Variants in SLC8A1 observed in about 807,000 individuals in gnomAD.
SLC8A1 encodes sodium/calcium exchanger 1.
Under a neutral mutation model 68.3 loss-of-function variants are expected in SLC8A1, and 18 were observed. That is an observed-to-expected ratio of 0.26 (90% CI 0.18 to 0.39). SLC8A1 has a LOEUF of 0.39. SLC8A1 is among the 10% of genes least tolerant of loss of function. The pLI is 1.00. For missense variants in SLC8A1, 985 were observed against 1,156.7 expected (o/e 0.85, Z 2.15); for synonymous variants, 475 against 415.5 (o/e 1.14, Z -1.74).
chr2:40,372,248 GAAGAAAA>G (rs981520238), intron 2 of SLC8A1, among the ~76,000 whole-genome samples: 3 of 151,992 alleles, frequency 2.0e-5, no homozygotes, highest in African/African-American at 7.2e-5. Context: ...ATCCTAAGGG[GAAGAAAA>G]AGAAAAGAAG....
At chr2:40,500,004 T>C (rs1047779056) in intron 1 of SLC8A1, among the ~76,000 whole-genome samples, 3 of 152,114 alleles carry the variant, frequency 2.0e-5, no homozygotes, top group Non-Finnish European at 4.4e-5. Flanking sequence ...CAGAACAACC[T>C]TGAGATTTTA....
chr2:40,195,348 T>C (rs371000804), intron 2 of SLC8A1, among the ~76,000 whole-genome samples: 2 of 151,872 alleles, frequency 1.3e-5, no homozygotes, highest in African/African-American at 4.8e-5. Context: ...ACAAGCTTAT[T>C]GGGATGCTGA....
intron 1 of SLC8A1, among the ~76,000 whole-genome samples, chr2:40,437,106 A>T (rs939907554): frequency 7.9e-5 from 12 of 152,206 alleles, no homozygotes; most frequent in African/African-American, 2.9e-4. Context: ...TCATGAAAGT[A>T]AGCTGGCTAG....
intron 2 of SLC8A1, among the ~76,000 whole-genome samples, chr2:40,406,476 T>TG (rs1369865081): frequency 6.6e-6 from 1 of 152,172 alleles, no homozygotes; most frequent in African/African-American, 2.4e-5. Flanking sequence ...AACTTCTAAA[T>TG]GGGTTATTGA....
intron 4 of SLC8A1, among the ~76,000 whole-genome samples, chr2:40,172,320 C>G (rs968467520): frequency 1.3e-5 from 2 of 152,060 alleles, no homozygotes; most frequent in Admixed American, 6.5e-5. Context: ...TGTAGAAATT[C>G]CCAAGTTTTG....
intron 1 of SLC8A1, among the ~76,000 whole-genome samples, chr2:40,466,708 C>T (rs927007956): frequency 2.6e-5 from 4 of 152,114 alleles, no homozygotes; most frequent in African/African-American, 7.2e-5. Flanking sequence ...CCATGCTGTG[C>T]ATATTATAAT....
chr2:40,162,902 T>C (rs756674899), intron 5 of SLC8A1, among the ~76,000 whole-genome samples: 1 of 152,144 alleles, frequency 6.6e-6, no homozygotes, highest in Non-Finnish European at 1.5e-5. Flanking sequence ...CCACCCAGAT[T>C]TGGGTCTCTG....
intron 2 of SLC8A1, among the ~76,000 whole-genome samples, chr2:40,192,528 C>T (rs906277970): frequency 4.7e-4 from 71 of 152,182 alleles, no homozygotes; most frequent in African/African-American, 1.7e-3. Context: ...GTTTAACTTA[C>T]ATAGAATACT....
At chr2:40,437,556 G>A (rs1455460222) in intron 1 of SLC8A1, among the ~76,000 whole-genome samples, 1 of 152,104 alleles carries the variant, frequency 6.6e-6, no homozygotes, top group Non-Finnish European at 1.5e-5. Context: ...CAGTAAGCAA[G>A]CAAAACTAAA....
chr2:40,405,041 C>T (rs1689894971), intron 2 of SLC8A1, among the ~76,000 whole-genome samples: 1 of 152,176 alleles, frequency 6.6e-6, no homozygotes, highest in Admixed American at 6.6e-5. Flanking sequence ...GTCCATGCTA[C>T]TCCCCCTCCC....
chr2:40,454,172 G>C (rs1287171778), upstream of SLC8A1, among the ~76,000 whole-genome samples: 1 of 152,100 alleles, frequency 6.6e-6, no homozygotes, highest in African/African-American at 2.4e-5. Flanking sequence ...CAATGAAAGG[G>C]GCTTGGAGAG....
chr2:40,182,066 T>C (rs778643953), intron 2 of SLC8A1, among the ~76,000 whole-genome samples: 27 of 152,232 alleles, frequency 1.8e-4, no homozygotes, highest in Non-Finnish European at 3.2e-4. Flanking sequence ...ACAGGACTTT[T>C]GCACTGTCAC....
At chr2:40,401,185 C>T (rs1157588760) in intron 2 of SLC8A1, among the ~76,000 whole-genome samples, 1 of 152,212 alleles carries the variant, frequency 6.6e-6, no homozygotes, top group Non-Finnish European at 1.5e-5. Context: ...TAAGACATTT[C>T]TCTGTGGCAT....
At chr2:40,192,512 A>G (rs1361661178) in intron 2 of SLC8A1, among the ~76,000 whole-genome samples, 1 of 152,156 alleles carries the variant, frequency 6.6e-6, no homozygotes, top group Non-Finnish European at 1.5e-5. Flanking sequence ...ATCATGGTAC[A>G]ATTAAGTTTA....
chr2:40,400,391 G>T (rs1461178399), intron 2 of SLC8A1, among the ~76,000 whole-genome samples: 1 of 152,180 alleles, frequency 6.6e-6, no homozygotes, highest in Non-Finnish European at 1.5e-5. Context: ...AAAAAGAAAA[G>T]GAGTCAGACT....
At chr2:40,224,070 G>C (rs2058674271) in intron 2 of SLC8A1, among the ~76,000 whole-genome samples, 1 of 152,102 alleles carries the variant, frequency 6.6e-6, no homozygotes, top group Non-Finnish European at 1.5e-5. Context: ...TGTATTAAAA[G>C]GCCTGGAATG....
At chr2:40,369,409 C>G (rs1173193549) in intron 2 of SLC8A1, among the ~76,000 whole-genome samples, 1 of 152,044 alleles carries the variant, frequency 6.6e-6, no homozygotes, top group Non-Finnish European at 1.5e-5. Context: ...AAGTTGGAAA[C>G]AAGTATCAGC....
At chr2:40,394,561 T>C (rs1319236120) in intron 2 of SLC8A1, among the ~76,000 whole-genome samples, 2 of 152,092 alleles carry the variant, frequency 1.3e-5, no homozygotes, top group African/African-American at 4.8e-5. Context: ...GATAAGATTA[T>C]ACAGAGCATA....
intron 2 of SLC8A1, among the ~76,000 whole-genome samples, chr2:40,411,402 A>T (rs1038696798): frequency 6.6e-6 from 1 of 152,084 alleles, no homozygotes; most frequent in Non-Finnish European, 1.5e-5. Flanking sequence ...ATGTAAATTC[A>T]GGCAGATTCT....
Sources: gnomAD v4.1 joint callset for allele counts (sites outside exome capture counted in the v4.1 genomes callset) on GRCh38, gnomAD v4.1.1 for gene constraint, MANE v1.5 for transcripts, NCBI Gene and HGNC (gene_info 2026-07-23, HGNC 2026-07-21) for gene names.